Variants in CHST11 observed in about 807,000 individuals in gnomAD.
CHST11 encodes carbohydrate sulfotransferase 11.
In CHST11, 9 loss-of-function variants were observed where a neutral mutation model predicts 30.4. That is an observed-to-expected ratio of 0.30 (90% CI 0.18 to 0.52). CHST11 has a LOEUF of 0.52. CHST11 is among the 20% of genes least tolerant of loss of function. CHST11 has a pLI of 0.97. For missense variants in CHST11, 348 were observed against 460.6 expected, an observed-to-expected ratio of 0.76 and a Z score of 2.24; for synonymous variants, 152 against 187.8, an observed-to-expected ratio of 0.81 and a Z score of 1.56.
At chr12:104,538,512 T>A (rs142955402) in intron 1 of CHST11, among the ~76,000 whole-genome samples, 380 of 152,360 alleles carry the variant, frequency 2.5e-3, no homozygotes, top group Non-Finnish European at 3.9e-3. Flanking sequence ...AGAGTCATTA[T>A]ACGCAGCCTA....
intron 1 of CHST11, among the ~76,000 whole-genome samples, chr12:104,507,299 C>A (rs2037916912): frequency 1.3e-5 from 2 of 152,196 alleles, no homozygotes; most frequent in Admixed American, 6.5e-5. Context: ...GCTCTTTCTC[C>A]CAGCCCAGTG....
intron 1 of CHST11, among the ~76,000 whole-genome samples, chr12:104,496,089 T>C (rs886639631): frequency 6.6e-6 from 1 of 152,258 alleles, no homozygotes; most frequent in Admixed American, 6.5e-5. Flanking sequence ...TGTACTTTTT[T>C]GGTTTGAATT....
intron 2 of CHST11, among the ~76,000 whole-genome samples, chr12:104,715,587 G>A (rs1280843640): frequency 1.3e-5 from 2 of 152,174 alleles, no homozygotes; most frequent in African/African-American, 4.8e-5. Context: ...GACATCCAGA[G>A]GAGCATGTTG....
chr12:104,681,965 G>A (rs893537067), intron 2 of CHST11, among the ~76,000 whole-genome samples: 8 of 151,450 alleles, frequency 5.3e-5, no homozygotes, highest in Non-Finnish European at 4.4e-5. Context: ...CGAGTAGATG[G>A]GACTACAGGC....
chr12:104,623,309 G>T (rs914826038), intron 2 of CHST11, among the ~76,000 whole-genome samples: 1 of 152,210 alleles, frequency 6.6e-6, no homozygotes, highest in Admixed American at 6.5e-5. Flanking sequence ...CTCAAGAGCT[G>T]GTGAGACAAT....
In CHST11 at chr12:104,497,730, T is replaced by G. The variant is rs575511843; in HGVS notation, c.118+40201T>G. On this transcript the variant is annotated intron_variant, in intron 1 of 2. Transcript: ENST00000303694. ...ACATCTGTCTTCTTTCTCCCTGCCT[T>G]GCTGAGAACCTGGGTCTGTGATAGT... Among the ~76,000 whole-genome samples, 21 of 152,164 alleles carry G rather than the reference T, an allele frequency of 1.4e-4. No homozygotes were observed. The East Asian group carries it at 4.1e-3, about 29-fold the overall frequency.
chr12:104,673,013 T>C (rs1257751146), intron 2 of CHST11, among the ~76,000 whole-genome samples: 1 of 152,224 alleles, frequency 6.6e-6, no homozygotes, highest in Non-Finnish European at 1.5e-5. Context: ...AGCAAAGCTG[T>C]ACTCCCTCTG....
At chr12:104,501,991 C>T (rs369669719) in intron 1 of CHST11, among the ~76,000 whole-genome samples, 69 of 152,194 alleles carry the variant, frequency 4.5e-4, no homozygotes, top group Middle Eastern at 3.4e-3. Flanking sequence ...GGACACCACA[C>T]GTGTGACCTC....
rs1447466597 is a variant in CHST11 at position 104,517,476 on chromosome 12, A to G, written c.118+59947A>G. ...ACCCCTGTTTGCAATCATCACTTGT[A>G]CACCAGAGCTTCTCACACTTAGATG... On this transcript the variant is annotated intron_variant, in intron 1 of 2. Coordinates refer to ENST00000303694, the MANE Select transcript of CHST11 (RefSeq NM_018413.6). 3.9e-5 allele frequency among the ~76,000 whole-genome samples: 6 copies of G among 152,114 alleles called. No individual in the cohort carries two copies. In the East Asian group the frequency reaches 1.2e-3, roughly 29 times the overall value.
In CHST11 at chr12:104,757,628, T is replaced by A; in HGVS notation, c.884T>A (p.Val295Glu). 1 of 1,613,772 alleles carries A rather than the reference T, an allele frequency of 6.2e-7. No individual in the cohort carries two copies. The highest frequency in any genetic ancestry group is 8.5e-7 in the Non-Finnish European group (1 of 1,179,952). The change falls in exon 3 of 3, where the codon GTG becomes GAG. Residue 295 changes from valine (V) to glutamate (E), a missense_variant. Coordinates refer to ENST00000303694, the MANE Select transcript of CHST11 (RefSeq NM_018413.6). The surrounding 1 kb of genome is among the most constrained non-coding windows in gnomAD (Gnocchi z 6.5). Reference sequence around the variant, plus strand: ...AATTACGTCCTGCAGCTGGCAGGAGTGGGCAGCTACCTGAAGTTCCCCACC... The same window carrying A: ...AATTACGTCCTGCAGCTGGCAGGAGAGGGCAGCTACCTGAAGTTCCCCACC... ...DSNYVLQLAG[V>E]GSYLKFPTYA...
intron 2 of CHST11, among the ~76,000 whole-genome samples, chr12:104,613,500 T>C (rs1001240137): frequency 1.4e-4 from 22 of 152,170 alleles, no homozygotes; most frequent in African/African-American, 4.8e-4. Flanking sequence ...GGGGTGGATT[T>C]CCCCCTTGCT....
intron 1 of CHST11, among the ~76,000 whole-genome samples, chr12:104,555,238 C>T (rs564955115): frequency 1.3e-5 from 2 of 152,264 alleles, no homozygotes; most frequent in East Asian, 3.9e-4. Context: ...ATGTCAGAGG[C>T]CATGTCTCTA....
chr12:104,690,644 G>A (rs2039888947), intron 2 of CHST11, among the ~76,000 whole-genome samples: 3 of 152,054 alleles, frequency 2.0e-5, no homozygotes, highest in Non-Finnish European at 2.9e-5. Flanking sequence ...TGGGCAACAT[G>A]GTGAAACCCC....
At chr12:104,599,146 C>T (rs1028929435) in intron 1 of CHST11, among the ~76,000 whole-genome samples, 2 of 152,208 alleles carry the variant, frequency 1.3e-5, no homozygotes, top group African/African-American at 2.4e-5. Context: ...CACAAGGCCC[C>T]TTTAGCTTTT....
intron 2 of CHST11, among the ~76,000 whole-genome samples, chr12:104,692,291 G>A (rs1018812593): frequency 3.3e-5 from 5 of 152,174 alleles, no homozygotes; most frequent in South Asian, 2.1e-4. Context: ...CTCTGAAGTC[G>A]GGCATTGTCC....
chr12:104,599,691 C>T (rs1404801203), intron 1 of CHST11, among the ~76,000 whole-genome samples: 1 of 152,106 alleles, frequency 6.6e-6, no homozygotes, highest in Non-Finnish European at 1.5e-5. Context: ...CATTTGCCTG[C>T]GATTCCCTCC....
At chr12:104,562,221 C>G (rs7488930) in intron 1 of CHST11, among the ~76,000 whole-genome samples, 135,516 of 152,156 alleles carry the variant, frequency 0.89, 60,677 homozygotes, top group East Asian at 1. Flanking sequence ...CACGGAGGAG[C>G]CTGCTCATGC....
At chr12:104,485,728 T>A (rs1434361824) in intron 1 of CHST11, among the ~76,000 whole-genome samples, 3 of 152,158 alleles carry the variant, frequency 2.0e-5, no homozygotes, top group African/African-American at 7.2e-5. Flanking sequence ...CAAAGCAACT[T>A]TAACATTCAT....
chr12:104,663,010 C>T (rs1256001867), intron 2 of CHST11, among the ~76,000 whole-genome samples: 2 of 152,232 alleles, frequency 1.3e-5, no homozygotes, highest in African/African-American at 2.4e-5. Context: ...TTGGTTTGTA[C>T]AGCTGTTCCT....
Sources: allele counts gnomAD v4.1 joint callset (sites outside exome capture counted in the v4.1 genomes callset), GRCh38; gene constraint gnomAD v4.1.1; non-coding constraint Gnocchi (gnomAD v3.1); transcripts MANE v1.5; gene names NCBI Gene and HGNC (gene_info 2026-07-23, HGNC 2026-07-21).